Variants in FTO observed in about 807,000 individuals in gnomAD.
FTO encodes the protein alpha-ketoglutarate-dependent dioxygenase FTO.
Under a neutral mutation model 63.9 loss-of-function variants are expected in FTO, and 47 were observed. The ratio of observed to expected loss-of-function variants is 0.74; its 90% confidence interval spans 0.58 to 0.94. The LOEUF is 0.94. Among genes scored for constraint, FTO ranks in the 40% least tolerant of loss-of-function variants. The pLI, the probability that FTO is intolerant of heterozygous loss-of-function variation, is 0.00. For synonymous variants in FTO, 207 were observed against 224.4 expected (o/e 0.92, Z 0.69); for missense variants, 562 against 618.1 (o/e 0.91, Z 0.96).
intron 4 of FTO, among the ~76,000 whole-genome samples, chr16:53,865,666 C>T (rs981016370): frequency 6.6e-6 from 1 of 152,166 alleles, no homozygotes; most frequent in African/African-American, 2.4e-5. Flanking sequence ...CCTCCCCTGT[C>T]TCTGTAGTTC....
intron 8 of FTO, among the ~76,000 whole-genome samples, chr16:54,018,665 T>C (rs1421339168): frequency 2.6e-5 from 4 of 152,102 alleles, no homozygotes; most frequent in African/African-American, 9.7e-5. Flanking sequence ...TCTCATGAGA[T>C]CTGATGGTTT....
At chr16:54,088,035 A>G (rs1447567310) in intron 8 of FTO, among the ~76,000 whole-genome samples, 1 of 152,222 alleles carries the variant, frequency 6.6e-6, no homozygotes, top group Non-Finnish European at 1.5e-5. Context: ...TTTTAACTGT[A>G]CAAGTAATGC....
chr16:54,048,216 AAAAAAAT>A (rs143035248), intron 8 of FTO, among the ~76,000 whole-genome samples: 9,301 of 143,130 alleles, frequency 0.065, 485 homozygotes, highest in African/African-American at 0.13. Context: ...TTTAATGTAA[AAAAAAAT>A]AAAAAATAAA....
chr16:53,859,498 A>T (rs2080107935), intron 4 of FTO, among the ~76,000 whole-genome samples: 1 of 149,026 alleles, frequency 6.7e-6, no homozygotes, highest in African/African-American at 2.4e-5. Flanking sequence ...TCATTATATG[A>T]TTTATATATC....
chr16:54,099,437 A>C (rs1297285596), intron 8 of FTO, among the ~76,000 whole-genome samples: 2 of 152,192 alleles, frequency 1.3e-5, no homozygotes, highest in African/African-American at 4.8e-5. Flanking sequence ...TGGGGAACCC[A>C]ACCCGGCCTC....
At chr16:54,093,543 C>G (rs1042943326) in intron 8 of FTO, among the ~76,000 whole-genome samples, 2 of 152,196 alleles carry the variant, frequency 1.3e-5, no homozygotes, top group Non-Finnish European at 2.9e-5. Flanking sequence ...CCAGCTGACC[C>G]CACTCCTGTA....
chr16:53,954,339 A>G (rs965711268), intron 8 of FTO, among the ~76,000 whole-genome samples: 11 of 151,590 alleles, frequency 7.3e-5, no homozygotes, highest in African/African-American at 2.4e-4. Flanking sequence ...AGGAGGCAGA[A>G]CTTTTTTTTT....
At chr16:53,936,088 G>T (rs1223584799) in intron 8 of FTO, among the ~76,000 whole-genome samples, 1 of 152,232 alleles carries the variant, frequency 6.6e-6, no homozygotes, top group Non-Finnish European at 1.5e-5. Flanking sequence ...CATGGTCAAA[G>T]TGGCCTGTTT....
intron 8 of FTO, among the ~76,000 whole-genome samples, chr16:53,975,360 C>T (rs1013269659): frequency 2.6e-5 from 4 of 151,884 alleles, no homozygotes; most frequent in African/African-American, 9.7e-5. Context: ...CTAATTTCTC[C>T]ATTATTTTAT....
At chr16:53,801,061 T>G (rs986287154) in intron 1 of FTO, among the ~76,000 whole-genome samples, 1 of 152,130 alleles carries the variant, frequency 6.6e-6, no homozygotes, top group African/African-American at 2.4e-5. Flanking sequence ...TGACAGTTTC[T>G]CCCCTTTAAT....
intron 8 of FTO, among the ~76,000 whole-genome samples, chr16:54,008,868 T>TG (rs2084274095): frequency 6.7e-6 from 1 of 150,046 alleles, no homozygotes; most frequent in Admixed American, 6.6e-5. Flanking sequence ...ATAAATTAGC[T>TG]GGATGTGGTG....
At chr16:53,828,433 T>C (rs945648776) in intron 3 of FTO, among the ~76,000 whole-genome samples, 1 of 151,998 alleles carries the variant, frequency 6.6e-6, no homozygotes, top group African/African-American at 2.4e-5. Context: ...GGTCTCAATC[T>C]TCTGATCTCA....
intron 8 of FTO, among the ~76,000 whole-genome samples, chr16:53,968,867 T>C (rs1247591335): frequency 1.3e-5 from 2 of 152,244 alleles, no homozygotes; most frequent in African/African-American, 2.4e-5. Flanking sequence ...TTTGTTGTTA[T>C]GTGATCATGA....
chr16:54,012,820 C>A lies in FTO; in HGVS notation c.1364+78711C>A, dbSNP rs556524831. Among the ~76,000 whole-genome samples the A allele has an allele frequency of 2.6e-5, 4 of 151,480 alleles. No homozygotes were observed. The South Asian group carries it at 6.4e-4, about 24-fold the overall frequency. On this transcript the variant is annotated intron_variant, in intron 8 of 8. Coordinates refer to ENST00000471389, the MANE Select transcript of FTO (RefSeq NM_001080432.3). ...GAATATTTTAAGCCCATTGTTGAGACCTCCTTCTCAGAAAAAAAAAAAAAG... is the reference window on the plus strand; with the variant it reads ...GAATATTTTAAGCCCATTGTTGAGAACTCCTTCTCAGAAAAAAAAAAAAAG...
At chr16:54,042,132 G>A (rs1207994546) in intron 8 of FTO, among the ~76,000 whole-genome samples, 5 of 151,996 alleles carry the variant, frequency 3.3e-5, no homozygotes, top group African/African-American at 4.8e-5. Flanking sequence ...AACAGCTCCG[G>A]TCTACAGCTC....
At chr16:53,713,943 C>T (rs535777216) in intron 1 of FTO, among the ~76,000 whole-genome samples, 9 of 152,226 alleles carry the variant, frequency 5.9e-5, no homozygotes, top group East Asian at 3.9e-4. Flanking sequence ...GACTATTAGA[C>T]GTACATTTTT....
intron 1 of FTO, among the ~76,000 whole-genome samples, chr16:53,802,481 C>CT (rs2078253524): frequency 6.6e-6 from 1 of 151,992 alleles, no homozygotes; most frequent in African/African-American, 2.4e-5. Context: ...GCTTTTAAGA[C>CT]TTTATCTTTT....
chr16:53,955,772 A>G (rs2082914587), intron 8 of FTO, among the ~76,000 whole-genome samples: 3 of 152,202 alleles, frequency 2.0e-5, no homozygotes, highest in Admixed American at 2.0e-4. Flanking sequence ...TAAGTACATC[A>G]TGAGCTCTTT....
chr16:54,071,059 G>A (rs191917822), intron 8 of FTO: 76 of 152,352 alleles, frequency 5.0e-4, no homozygotes, highest in African/African-American at 1.6e-3. Flanking sequence ...GTCACCCCAA[G>A]TTATGCATTT....
Sources: gnomAD v4.1 joint callset for allele counts (sites outside exome capture counted in the v4.1 genomes callset) on GRCh38, gnomAD v4.1.1 for gene constraint, MANE v1.5 for transcripts, NCBI Gene and HGNC (gene_info 2026-07-23, HGNC 2026-07-21) for gene names.